Variants in CD96 observed in about 807,000 individuals in gnomAD.
The protein encoded by CD96 is CD96 molecule.
A neutral mutation model predicts 71.3 loss-of-function variants in CD96; 70 were observed. The ratio of observed to expected loss-of-function variants is 0.98; its 90% CI spans 0.81 to 1.20. The LOEUF is 1.20. Ranked by LOEUF, CD96 falls within the 50% of genes most tolerant of loss-of-function variation. The pLI, the probability that CD96 is intolerant of heterozygous loss-of-function variation, is 0.00. For missense variants in CD96, 742 were observed against 677.5 expected (o/e 1.10, Z -1.06); for synonymous variants, 248 against 233.0 (o/e 1.06, Z -0.59).
intron 12 of CD96, among the ~76,000 whole-genome samples, chr3:111,646,389 CATGTAAA>C (rs927907977): frequency 7.2e-5 from 11 of 151,786 alleles, no homozygotes; most frequent in South Asian, 2.1e-4. Flanking sequence ...CTTAAAAAAA[CATGTAAA>C]ATGTAAAATG....
chr3:111,590,426 G>A (rs1936923453), intron 5 of CD96, among the ~76,000 whole-genome samples: 1 of 152,224 alleles, frequency 6.6e-6, no homozygotes. Flanking sequence ...GCAGCCCGCA[G>A]TGTGGAAATA....
At chr3:111,609,176 C>T (rs1937779366) in intron 8 of CD96, among the ~76,000 whole-genome samples, 1 of 152,118 alleles carries the variant, frequency 6.6e-6, no homozygotes, top group Non-Finnish European at 1.5e-5. Context: ...TGTTTATGGG[C>T]ATTTGAGAAA....
intron 10 of CD96, among the ~76,000 whole-genome samples, chr3:111,626,264 G>A (rs370379397): frequency 7.5e-5 from 9 of 120,726 alleles, no homozygotes; most frequent in Admixed American, 1.2e-4. Flanking sequence ...TCGAGATTGC[G>A]CCACTGCACT....
intron 3 of CD96, among the ~76,000 whole-genome samples, chr3:111,576,162 T>C (rs2107575309): frequency 6.6e-6 from 1 of 152,336 alleles, no homozygotes; most frequent in East Asian, 1.9e-4. Flanking sequence ...TACCAAGGTG[T>C]GAATCCATAA....
At chr3:111,563,801 A>G (rs1241802125) in intron 2 of CD96, among the ~76,000 whole-genome samples, 1 of 152,230 alleles carries the variant, frequency 6.6e-6, no homozygotes, top group Non-Finnish European at 1.5e-5. Context: ...AACATTTACC[A>G]CTAACCTTTA....
chr3:111,659,427 C>A (rs568760056), intron 14 of CD96, among the ~76,000 whole-genome samples: 5 of 152,076 alleles, frequency 3.3e-5, no homozygotes, highest in African/African-American at 1.2e-4. Context: ...GTTTTCTATT[C>A]TTTTAGGTGC....
At chr3:111,560,352 G>A (rs914934426) in intron 2 of CD96, among the ~76,000 whole-genome samples, 3 of 151,938 alleles carry the variant, frequency 2.0e-5, no homozygotes, top group Admixed American at 1.3e-4. Flanking sequence ...GGTACCAGTT[G>A]TTCCTTTCCA....
intron 3 of CD96, among the ~76,000 whole-genome samples, chr3:111,572,924 C>T (rs1408750645): frequency 2.6e-5 from 4 of 152,226 alleles, no homozygotes; most frequent in East Asian, 1.9e-4. Context: ...GAAGTTACAT[C>T]GCAGGACTGG....
chr3:111,630,335 G>T (rs963997881), intron 10 of CD96, among the ~76,000 whole-genome samples: 12 of 152,048 alleles, frequency 7.9e-5, no homozygotes, highest in Non-Finnish European at 7.4e-5. Context: ...TATTACCACT[G>T]ACCCCACAGA....
intron 2 of CD96, among the ~76,000 whole-genome samples, chr3:111,546,422 G>C (rs992849398): frequency 6.6e-6 from 1 of 152,150 alleles, no homozygotes; most frequent in Admixed American, 6.5e-5. Context: ...TTGGAGGCCT[G>C]CATTTAGAAG....
intron 12 of CD96, among the ~76,000 whole-genome samples, chr3:111,643,887 A>G (rs1576428741): frequency 6.6e-6 from 1 of 152,208 alleles, no homozygotes; most frequent in South Asian, 2.1e-4. Context: ...GGTATAATCA[A>G]TATTGTGAAA....
chr3:111,647,780 A>G, intron 13 of CD96, 114 bp downstream of exon 13: 2 of 788,140 alleles, frequency 2.5e-6, no homozygotes, highest in Non-Finnish European at 4.2e-6. Context: ...TGGGGAAATA[A>G]TGCTCACAGA....
chr3:111,647,730 C>T, intron 13 of CD96, 64 bp downstream of exon 13: 2 of 1,185,764 alleles, frequency 1.7e-6, no homozygotes, highest in Non-Finnish European at 2.5e-6. Flanking sequence ...TTCATCAGTA[C>T]AATATATTAT....
At chr3:111,645,701 G>T (rs986366336) in intron 12 of CD96, among the ~76,000 whole-genome samples, 1 of 152,026 alleles carries the variant, frequency 6.6e-6, no homozygotes, top group African/African-American at 2.4e-5. Flanking sequence ...CTAGTGGTTT[G>T]AACTATGTAA....
At chr3:111,606,566 A>T (rs1285787009) in intron 7 of CD96, 134 bp from the exon 8 acceptor site, 2 of 672,764 alleles carry the variant, frequency 3.0e-6, no homozygotes, top group Non-Finnish European at 2.7e-6. Flanking sequence ...CACTGCCTTG[A>T]CCTTAATAGG....
intron 5 of CD96, chr3:111,593,695 C>T (rs1305331510): frequency 1.9e-6 from 3 of 1,613,840 alleles, no homozygotes; most frequent in Non-Finnish European, 2.5e-6. Flanking sequence ...CCCTCTCCCG[C>T]CATTCCACTG....
At chr3:111,570,583 A>G in intron 3 of CD96, 1 of 1,483,860 alleles carries the variant, frequency 6.7e-7, no homozygotes, top group Non-Finnish European at 9.2e-7. Context: ...ATCCTTGGCA[A>G]GAAAGCTAAG....
chr3:111,663,397 A>G (rs922565334), intron 14 of CD96, among the ~76,000 whole-genome samples: 5 of 152,230 alleles, frequency 3.3e-5, no homozygotes, highest in Non-Finnish European at 5.9e-5. Flanking sequence ...CCCAAAAGCA[A>G]TTGTAACAAA....
chr3:111,645,285 T>C (rs1169409851), intron 12 of CD96, among the ~76,000 whole-genome samples: 1 of 152,026 alleles, frequency 6.6e-6, no homozygotes, highest in African/African-American at 2.4e-5. Context: ...AAACCAAACA[T>C]CATATGTTCT....
Sources: gnomAD v4.1 joint callset for allele counts (sites outside exome capture counted in the v4.1 genomes callset) on GRCh38, gnomAD v4.1.1 for gene constraint, MANE v1.5 for transcripts, NCBI Gene and HGNC (gene_info 2026-07-23, HGNC 2026-07-21) for gene names.